Variants in ZNF713 observed in about 807,000 individuals in gnomAD.
ZNF713 encodes zinc finger protein 713.
ZNF713 carries 21 observed loss-of-function variants against 28.7 expected under a neutral mutation model. The observed-to-expected ratio is 0.73, with a 90% confidence interval of 0.52 to 1.05. The LOEUF (loss-of-function observed/expected upper bound fraction) is 1.05. ZNF713 is among the 50% of genes least tolerant of loss of function. ZNF713 has a pLI of 0.00. For synonymous variants in ZNF713, 167 were observed against 178.0 expected (o/e 0.94, Z 0.49); for missense variants, 458 against 532.4 (o/e 0.86, Z 1.37).
chr7:55,920,624 C>G (rs953419834), intron 4 of ZNF713, among the ~76,000 whole-genome samples: 1 of 152,328 alleles, frequency 6.6e-6, no homozygotes, highest in South Asian at 2.1e-4. Flanking sequence ...AGTGAAGCAG[C>G]AAATGCTGAT....
chr7:55,937,718 C>T (rs147923155), intron 6 of ZNF713, among the ~76,000 whole-genome samples: 2,062 of 151,452 alleles, frequency 0.014, 45 homozygotes, highest in African/African-American at 0.047. Flanking sequence ...GCCTGGGAAA[C>T]GTAGTGAGAC....
At chr7:55,895,952 A>G (rs536065899) in intron 1 of ZNF713, among the ~76,000 whole-genome samples, 104 of 152,262 alleles carry the variant, frequency 6.8e-4, no homozygotes, top group Admixed American at 4.0e-3. Context: ...TCCAACCCAT[A>G]TGGTTTGGCT....
At chr7:55,892,610 C>T (rs1435631265) in intron 1 of ZNF713, among the ~76,000 whole-genome samples, 2 of 144,772 alleles carry the variant, frequency 1.4e-5, no homozygotes, top group African/African-American at 2.6e-5. Flanking sequence ...CGGTGGCTCA[C>T]GCCTGTAATC....
intron 6 of ZNF713, 112 bp from the exon 7 acceptor site, chr7:55,938,870 T>C: frequency 1.8e-6 from 2 of 1,137,914 alleles, no homozygotes; most frequent in Non-Finnish European, 1.2e-6. Flanking sequence ...GTATGCCTTG[T>C]ACACATTACT....
In ZNF713 at chr7:55,939,570, T is replaced by A; in HGVS notation, c.896T>A (p.Ile299Lys). 1 of 1,614,052 alleles carries A rather than the reference T, an allele frequency of 6.2e-7. No homozygotes were observed. Among genetic ancestry groups the A allele is most frequent in the Non-Finnish European group, 8.5e-7 (1 of 1,179,992 alleles). Residue 299 changes from isoleucine to lysine, a missense_variant, in exon 7 of 7, where the codon ATA becomes AAA. Physicochemically the swap from Ile to Lys is moderately radical, Grantham distance 102 (BLOSUM62 -3). Transcript: ENST00000429591. ...TGTGGAAAAAGATTCAGCCAGAGGA[T>A]ACATCTCATTCAACATCAGAGAATT... ...DECGKRFSQR[I>K]HLIQHQRIHT...
At chr7:55,891,899 AT>A (rs1418603507) in intron 1 of ZNF713, among the ~76,000 whole-genome samples, 1 of 152,220 alleles carries the variant, frequency 6.6e-6, no homozygotes, top group African/African-American at 2.4e-5. Context: ...ATAGAAAAAA[AT>A]TAAATCATAG....
chr7:55,911,904 G>A lies in ZNF713; in HGVS notation c.-167G>A, dbSNP rs566903352. On this transcript the variant is annotated 5_prime_UTR_variant, in exon 3 of 7. Coordinates refer to ENST00000429591, the MANE Select transcript of ZNF713 (RefSeq NM_182633.3). ...GAGTGACTGTTGCCCATAAGGTACT[G>A]GACATCAACTTTCAAGAGCAGCCCC... The A allele has an allele frequency of 6.6e-6, 1 of 152,210 alleles. No individual in the cohort carries two copies. Among genetic ancestry groups the A allele is most frequent in the African/African-American group, 2.4e-5 (1 of 41,538 alleles). The allele number at this position is 152,210 out of a possible 1,614,324, so 9.4% of individuals were successfully genotyped here.
chr7:55,895,691 C>T (rs1464465670), intron 1 of ZNF713, among the ~76,000 whole-genome samples: 1 of 152,012 alleles, frequency 6.6e-6, no homozygotes, highest in Non-Finnish European at 1.5e-5. Flanking sequence ...TGGTCTCGAA[C>T]TCCCGACCTC....
chr7:55,931,643 C>T (rs1432674741), intron 6 of ZNF713, among the ~76,000 whole-genome samples: 1 of 150,230 alleles, frequency 6.7e-6, no homozygotes, highest in Non-Finnish European at 1.5e-5. Flanking sequence ...TCCTTCTTTC[C>T]CTCTCTCCCT....
At chr7:55,909,231 C>A (rs916715514) in intron 2 of ZNF713, among the ~76,000 whole-genome samples, 3 of 151,340 alleles carry the variant, frequency 2.0e-5, no homozygotes, top group Non-Finnish European at 4.4e-5. Context: ...GATAGGAGTC[C>A]GGTATCATTC....
chr7:55,939,733 C>G lies in ZNF713; in HGVS notation c.1059C>G (p.Arg353=). 1 of 1,614,152 alleles carries G rather than the reference C, an allele frequency of 6.2e-7. No homozygotes were observed. Among genetic ancestry groups the G allele is most frequent in the African/African-American group, 1.3e-5 (1 of 75,046 alleles). Residue 353 remains arginine (R), a synonymous_variant, in exon 7 of 7, where the codon CGC becomes CGG. Transcript: ENST00000429591. The part of the protein sequence containing the change: ...KCNQCGKAFS[R]ITSLTEHHRL... ...ATCAATGTGGTAAAGCTTTTAGCCG[C>G]ATCACATCCCTTACTGAACATCATA... is the stretch of plus-strand genomic sequence containing the variant.
chr7:55,891,782 A>G (rs1024742651), intron 1 of ZNF713, among the ~76,000 whole-genome samples: 1 of 152,102 alleles, frequency 6.6e-6, no homozygotes, highest in African/African-American at 2.4e-5. Context: ...AGTTCATGAT[A>G]TATAATGGTT....
chr7:55,932,300 G>A (rs547323510), intron 6 of ZNF713, among the ~76,000 whole-genome samples: 83 of 151,680 alleles, frequency 5.5e-4, no homozygotes, highest in African/African-American at 8.0e-4. Flanking sequence ...AAGCCAAGGC[G>A]GAAGGATCAC....
At chr7:55,933,457 G>T (rs551501712) in intron 6 of ZNF713, among the ~76,000 whole-genome samples, 44 of 151,460 alleles carry the variant, frequency 2.9e-4, no homozygotes, top group Non-Finnish European at 5.4e-4. Flanking sequence ...CACCACGCCT[G>T]GCTAATTTTT....
At chr7:55,903,727 C>G (rs769601757) in intron 1 of ZNF713, among the ~76,000 whole-genome samples, 2 of 151,254 alleles carry the variant, frequency 1.3e-5, no homozygotes, top group Non-Finnish European at 2.9e-5. Flanking sequence ...GCAACCTCAC[C>G]TGGTCTGTGA....
chr7:55,915,653 C>A (rs915394345), intron 4 of ZNF713, among the ~76,000 whole-genome samples: 1 of 152,124 alleles, frequency 6.6e-6, no homozygotes, highest in Non-Finnish European at 1.5e-5. Flanking sequence ...TGCTAAAAAT[C>A]ATCTGCAAAA....
rs935669763 is a variant in ZNF713, at chr7:55,908,298, G to A, written c.-456+1919G>A. On this transcript the variant is annotated intron_variant, in intron 2 of 6. Coordinates refer to ENST00000429591, the MANE Select transcript of ZNF713 (RefSeq NM_182633.3). ...GCTGGGATTACAGGCATGCACCGCC[G>A]TACCCGGCTAATTTTTGTATTTTTA... Among the ~76,000 whole-genome samples, 22 of 151,946 alleles carry A rather than the reference G, an allele frequency of 1.4e-4. No individual in the cohort carries two copies. The East Asian group carries it at 2.7e-3, about 19-fold the overall frequency.
At chr7:55,923,783 C>A in intron 6 of ZNF713, 84 bp downstream of exon 6, 1 of 1,041,808 alleles carries the variant, frequency 9.6e-7, no homozygotes, top group Non-Finnish European at 1.4e-6. Context: ...CCAAAAATCT[C>A]CCTCTGGGAT....
At chr7:55,892,455 A>C (rs749993065) in intron 1 of ZNF713, among the ~76,000 whole-genome samples, 1 of 151,456 alleles carries the variant, frequency 6.6e-6, no homozygotes, top group Non-Finnish European at 1.5e-5. Flanking sequence ...AAACCCTATA[A>C]CAAAACACAG....
Sources: allele counts gnomAD v4.1 joint callset (sites outside exome capture counted in the v4.1 genomes callset), GRCh38; gene constraint gnomAD v4.1.1; transcripts MANE v1.5; gene names NCBI Gene and HGNC (gene_info 2026-07-23, HGNC 2026-07-21).